PDLIM5: variants seen among roughly 807,000 people sequenced by gnomAD.
PDLIM5 encodes PDZ and LIM domain 5.
PDLIM5 carries 34 observed loss-of-function variants against 64.2 expected under a neutral mutation model. The observed-to-expected ratio is 0.53, with a 90% confidence interval of 0.40 to 0.71. The LOEUF (loss-of-function observed/expected upper bound fraction) is 0.71. PDLIM5 is among the 30% of genes least tolerant of loss of function. The probability of loss-of-function intolerance (pLI) is 0.00; values close to 1 mark genes in which losing one functional copy is unlikely to be tolerated. For missense variants in PDLIM5, 683 were observed against 733.6 expected, an observed-to-expected ratio of 0.93 and a Z score of 0.80; for synonymous variants, 253 against 269.1, an observed-to-expected ratio of 0.94 and a Z score of 0.59.
chr4:94,609,374 T>C (rs1206404261), intron 7 of PDLIM5, among the ~76,000 whole-genome samples: 1 of 152,224 alleles, frequency 6.6e-6, no homozygotes, highest in African/African-American at 2.4e-5. Context: ...AGAATGTTCA[T>C]TCCTGTCCAG....
At chr4:94,547,676 A>G (rs1284078927) in intron 3 of PDLIM5, among the ~76,000 whole-genome samples, 2 of 152,160 alleles carry the variant, frequency 1.3e-5, no homozygotes, top group African/African-American at 2.4e-5. Context: ...TGAAAGGGTA[A>G]ATTATGTATA....
At chr4:94,505,149 G>T (rs559092229) in intron 2 of PDLIM5, among the ~76,000 whole-genome samples, 2 of 152,260 alleles carry the variant, frequency 1.3e-5, no homozygotes, top group African/African-American at 4.8e-5. Context: ...GACACCAGCC[G>T]GGTGTACTGC....
At chr4:94,527,920 A>T (rs1730519928) in intron 3 of PDLIM5, among the ~76,000 whole-genome samples, 1 of 152,216 alleles carries the variant, frequency 6.6e-6, no homozygotes, top group Non-Finnish European at 1.5e-5. Flanking sequence ...TGGAAGAAAC[A>T]CCTGGGGAAT....
At chr4:94,517,133 A>G (rs1256889949) in intron 2 of PDLIM5, among the ~76,000 whole-genome samples, 3 of 152,198 alleles carry the variant, frequency 2.0e-5, no homozygotes, top group Non-Finnish European at 4.4e-5. Flanking sequence ...AGTTGCTCGT[A>G]AAAACTTCAC....
chr4:94,552,960 A>G (rs1006040726), intron 3 of PDLIM5, among the ~76,000 whole-genome samples: 1 of 152,162 alleles, frequency 6.6e-6, no homozygotes, highest in Non-Finnish European at 1.5e-5. Flanking sequence ...AAGAATAGCT[A>G]GAAGTATAGT....
rs10591059 is a variant in PDLIM5 at position 94,577,466 on chromosome 4, G to GAT, written c.710+1449_710+1450dup. 2,583 of 364,914 alleles carry GAT rather than the reference G, an allele frequency of 7.1e-3. 1 individual carries two copies. Among genetic ancestry groups the GAT allele is most frequent in the South Asian group, 0.015 (774 of 50,700 alleles). The allele number at this position is 364,914 out of a possible 1,614,324, so 22.6% of individuals were successfully genotyped here. A position where few individuals can be genotyped will look rare whatever the true frequency, so the allele number is the denominator to read the frequency against. ...GTTGTGGGTGGCTTTCTAAAGTTCT[G>GAT]ATATATATATATATATATTGAGGAA... On this transcript the variant is annotated intron_variant, in intron 5 of 12. Coordinates refer to ENST00000317968, the MANE Select transcript of PDLIM5 (RefSeq NM_006457.5).
chr4:94,575,378 T>C (rs549386646), intron 4 of PDLIM5, among the ~76,000 whole-genome samples: 1 of 152,320 alleles, frequency 6.6e-6, no homozygotes, highest in African/African-American at 2.4e-5. Flanking sequence ...TGAAACTACT[T>C]TCATTTTTAT....
At chr4:94,563,253 G>A (rs576986083) in intron 3 of PDLIM5, among the ~76,000 whole-genome samples, 75 of 152,272 alleles carry the variant, frequency 4.9e-4, no homozygotes, top group Admixed American at 8.5e-4. Flanking sequence ...TGATAAGGAT[G>A]TTGGACAAGA....
In PDLIM5 at chr4:94,478,391, G is replaced by A. The variant is rs1037477064; in HGVS notation, c.96+23007G>A. 2.6e-5 allele frequency among the ~76,000 whole-genome samples: 4 copies of A among 151,984 alleles called. No homozygotes were observed. The East Asian group carries it at 5.8e-4, about 22-fold the overall frequency. ...TGGTTAAGTTTTTAGGGAGTCAAAAGTTATACATGAATCTTCAACTGCATG... is the reference window on the plus strand; with the variant it reads ...TGGTTAAGTTTTTAGGGAGTCAAAAATTATACATGAATCTTCAACTGCATG... On this transcript the variant is annotated intron_variant, in intron 2 of 12. Transcript: ENST00000317968.
At chr4:94,592,107 A>T (rs886757218) in intron 7 of PDLIM5, among the ~76,000 whole-genome samples, 1 of 152,228 alleles carries the variant, frequency 6.6e-6, no homozygotes, top group African/African-American at 2.4e-5. Flanking sequence ...TAAATTAAGG[A>T]TGTTTATTTG....
In PDLIM5 at chr4:94,628,377, T is replaced by C. The variant is rs1427297826; in HGVS notation, c.1108+10186T>C. 3.9e-5 allele frequency among the ~76,000 whole-genome samples: 6 copies of C among 152,228 alleles called. No individual in the cohort carries two copies. The East Asian group carries it at 1.2e-3, about 29-fold the overall frequency. On this transcript the variant is annotated intron_variant, in intron 8 of 12. Coordinates refer to ENST00000317968, the MANE Select transcript of PDLIM5 (RefSeq NM_006457.5). ...TAAAGTATCATTTATTTTGGAGAGC[T>C]AATGACTTTAATTGAGAGATATCTT...
At chr4:94,494,436 T>G (rs1235692802) in intron 2 of PDLIM5, among the ~76,000 whole-genome samples, 49 of 45,660 alleles carry the variant, frequency 1.1e-3, no homozygotes, top group Admixed American at 3.9e-3. Context: ...TTTCTTGTTT[T>G]TTTTTTTTTT....
intron 8 of PDLIM5, among the ~76,000 whole-genome samples, chr4:94,624,654 A>T (rs958075633): frequency 1.1e-4 from 16 of 152,246 alleles, no homozygotes; most frequent in African/African-American, 3.6e-4. Context: ...AAAACAAAAT[A>T]GCATGTAGTC....
intron 7 of PDLIM5, among the ~76,000 whole-genome samples, chr4:94,592,942 C>A (rs1209110788): frequency 6.6e-6 from 1 of 152,102 alleles, no homozygotes; most frequent in Non-Finnish European, 1.5e-5. Context: ...CACAATCATA[C>A]ATTCTCACCT....
At chr4:94,612,412 G>A (rs540996976) in intron 7 of PDLIM5, among the ~76,000 whole-genome samples, 2 of 152,208 alleles carry the variant, frequency 1.3e-5, no homozygotes, top group Middle Eastern at 3.4e-3. Flanking sequence ...CATTGTCAGG[G>A]CTGAGATTGT....
At chr4:94,638,065 G>T (rs993538153) in intron 8 of PDLIM5, among the ~76,000 whole-genome samples, 1 of 152,158 alleles carries the variant, frequency 6.6e-6, no homozygotes, top group Non-Finnish European at 1.5e-5. Flanking sequence ...GGCGTTCTTG[G>T]CAAGAGCTGG....
chr4:94,572,918 T>C (rs1357830587), intron 3 of PDLIM5, among the ~76,000 whole-genome samples: 2 of 152,200 alleles, frequency 1.3e-5, no homozygotes, highest in African/African-American at 4.8e-5. Flanking sequence ...CCTGTGGATG[T>C]TGTTCATGGA....
chr4:94,478,888 G>GTTTTTTTTT (rs1725572226), intron 2 of PDLIM5, among the ~76,000 whole-genome samples: 1 of 108,516 alleles, frequency 9.2e-6, no homozygotes, highest in African/African-American at 5.1e-5. Context: ...GGTGTGCTTG[G>GTTTTTTTTT]TGTTTTTTTT....
At chr4:94,526,556 A>C (rs1297519707) in intron 3 of PDLIM5, among the ~76,000 whole-genome samples, 1 of 152,166 alleles carries the variant, frequency 6.6e-6, no homozygotes, top group African/African-American at 2.4e-5. Flanking sequence ...TGTGGTTAAC[A>C]AAATTCGTAG....
Sources: gnomAD v4.1 joint callset for allele counts (sites outside exome capture counted in the v4.1 genomes callset) on GRCh38, gnomAD v4.1.1 for gene constraint, MANE v1.5 for transcripts, NCBI Gene and HGNC (gene_info 2026-07-23, HGNC 2026-07-21) for gene names.